Variants in VTI1A observed in about 807,000 individuals in gnomAD.
The protein encoded by VTI1A is vesicle transport through interaction with t-SNAREs homolog 1A.
Under a neutral mutation model 34.9 loss-of-function variants are expected in VTI1A, and 22 were observed. The ratio of observed to expected loss-of-function variants is 0.63; its 90% confidence interval spans 0.45 to 0.90. The LOEUF is 0.90. Ranked by LOEUF, VTI1A falls within the 40% of genes least tolerant of loss-of-function variation. VTI1A has a pLI of 0.00. For synonymous variants in VTI1A, 87 were observed against 97.3 expected, an observed-to-expected ratio of 0.89 and a Z score of 0.62; for missense variants, 268 against 275.6, an observed-to-expected ratio of 0.97 and a Z score of 0.20.
intron 7 of VTI1A, among the ~76,000 whole-genome samples, chr10:112,716,458 T>TA (rs1262079824): frequency 2.6e-5 from 4 of 152,170 alleles, no homozygotes; most frequent in Non-Finnish European, 5.9e-5. Flanking sequence ...TAAATTTGAG[T>TA]ATAACATACC....
chr10:112,650,247 T>G (rs1052850846), intron 5 of VTI1A, among the ~76,000 whole-genome samples: 2 of 152,212 alleles, frequency 1.3e-5, no homozygotes, highest in Non-Finnish European at 1.5e-5. Flanking sequence ...TTTTTAAACT[T>G]TTTTTGTTAA....
At chr10:112,688,850 A>G (rs778472069) in intron 7 of VTI1A, among the ~76,000 whole-genome samples, 8 of 152,018 alleles carry the variant, frequency 5.3e-5, no homozygotes, top group Non-Finnish European at 8.8e-5. Context: ...ACTAATGCCA[A>G]TTTTTCATAG....
chr10:112,561,199 A>C (rs1258742245), intron 5 of VTI1A, among the ~76,000 whole-genome samples: 1 of 152,196 alleles, frequency 6.6e-6, no homozygotes, highest in Non-Finnish European at 1.5e-5. Context: ...TTTGGTGGTA[A>C]AGATTTTAAG....
intron 4 of VTI1A, among the ~76,000 whole-genome samples, chr10:112,536,592 T>A (rs1850623488): frequency 6.6e-6 from 1 of 152,206 alleles, no homozygotes; most frequent in South Asian, 2.1e-4. Flanking sequence ...ATTTATATTT[T>A]TTTTTTGCAG....
At chr10:112,678,380 C>G (rs1848101064) in intron 7 of VTI1A, among the ~76,000 whole-genome samples, 1 of 152,142 alleles carries the variant, frequency 6.6e-6, no homozygotes, top group African/African-American at 2.4e-5. Context: ...TAATGGAGCC[C>G]TTAGCCCCCC....
intron 7 of VTI1A, among the ~76,000 whole-genome samples, chr10:112,739,095 C>T (rs1490807947): frequency 3.3e-5 from 5 of 152,196 alleles, no homozygotes; most frequent in African/African-American, 4.8e-5. Flanking sequence ...CCCTGTCTCA[C>T]GATGCTTGCA....
intron 5 of VTI1A, among the ~76,000 whole-genome samples, chr10:112,564,309 A>G (rs966377761): frequency 2.0e-5 from 3 of 152,150 alleles, no homozygotes; most frequent in African/African-American, 7.2e-5. Flanking sequence ...AAAGCAATAG[A>G]AAGAAAAGAT....
chr10:112,553,940 G>C (rs904151899), intron 5 of VTI1A, among the ~76,000 whole-genome samples: 2 of 152,146 alleles, frequency 1.3e-5, no homozygotes, highest in African/African-American at 4.8e-5. Context: ...TACATCATCA[G>C]TTAAGACCCT....
rs74406769 is a variant in VTI1A, at chr10:112,717,041, C to T, written c.560+48043C>T. 5.3e-3 allele frequency among the ~76,000 whole-genome samples: 810 copies of T among 152,266 alleles called. 12 individuals are homozygous for T. The highest frequency in any genetic ancestry group is 0.019 in the African/African-American group (777 of 41,566). On this transcript the variant is annotated intron_variant, in intron 7 of 7. Transcript: ENST00000393077. ...TGTGCTTGCTATGTAAACGCAGCTT[C>T]GTAACAAGTGCCGTTGCACCTCTGC...
intron 1 of VTI1A, chr10:112,450,730 T>C (rs567120079): frequency 6.6e-6 from 1 of 152,364 alleles, no homozygotes; most frequent in East Asian, 1.9e-4. Context: ...TCTTAAAGTG[T>C]TTGAATCTTA....
chr10:112,674,271 A>C (rs1410890309), intron 7 of VTI1A, among the ~76,000 whole-genome samples: 1 of 152,162 alleles, frequency 6.6e-6, no homozygotes, highest in Non-Finnish European at 1.5e-5. Context: ...GCTTTTAATC[A>C]AGTGCTTATT....
At chr10:112,735,567 C>T (rs1052838021) in intron 7 of VTI1A, among the ~76,000 whole-genome samples, 20 of 152,264 alleles carry the variant, frequency 1.3e-4, no homozygotes, top group African/African-American at 4.1e-4. Flanking sequence ...TTCCTTACAC[C>T]AGCCATCCAC....
At chr10:112,659,080 C>T (rs558337198) in intron 5 of VTI1A, among the ~76,000 whole-genome samples, 5 of 152,168 alleles carry the variant, frequency 3.3e-5, no homozygotes, top group African/African-American at 9.7e-5. Context: ...AGAAGCCTTT[C>T]TAATTACTTT....
chr10:112,504,421 T>C (rs1849353596), intron 3 of VTI1A, among the ~76,000 whole-genome samples: 1 of 152,184 alleles, frequency 6.6e-6, no homozygotes, highest in African/African-American at 2.4e-5. Context: ...CAGCATATGC[T>C]ATACACACTA....
intron 5 of VTI1A, among the ~76,000 whole-genome samples, chr10:112,654,530 T>A (rs1847156334): frequency 6.6e-6 from 1 of 152,178 alleles, no homozygotes; most frequent in African/African-American, 2.4e-5. Context: ...AGTCTAACTG[T>A]CACCGAGGCT....
intron 5 of VTI1A, among the ~76,000 whole-genome samples, chr10:112,541,186 A>G (rs958275199): frequency 6.6e-6 from 1 of 151,948 alleles, no homozygotes; most frequent in Non-Finnish European, 1.5e-5. Flanking sequence ...GGCCCTTCAA[A>G]TTTTTTTTCA....
chr10:112,638,735 ATTT>A (rs11420607), intron 5 of VTI1A, among the ~76,000 whole-genome samples: 1 of 139,858 alleles, frequency 7.2e-6, no homozygotes, highest in Admixed American at 7.2e-5. Flanking sequence ...TATTTCTTTA[ATTT>A]TTTTTTTTTT....
chr10:112,451,835 A>G (rs982801457), intron 1 of VTI1A, among the ~76,000 whole-genome samples: 7 of 152,208 alleles, frequency 4.6e-5, no homozygotes, highest in Admixed American at 1.3e-4. Flanking sequence ...CTTAAAATAT[A>G]TTTGGCTTTA....
chr10:112,695,988 C>G (rs1848770241), intron 7 of VTI1A, among the ~76,000 whole-genome samples: 1 of 152,034 alleles, frequency 6.6e-6, no homozygotes, highest in Non-Finnish European at 1.5e-5. Flanking sequence ...ACAAAGTGCA[C>G]TAGGCAGAAA....
Sources: gnomAD v4.1 joint callset for allele counts (sites outside exome capture counted in the v4.1 genomes callset) on GRCh38, gnomAD v4.1.1 for gene constraint, MANE v1.5 for transcripts, NCBI Gene and HGNC (gene_info 2026-07-23, HGNC 2026-07-21) for gene names.